Variants in TTC39A observed in about 807,000 individuals in gnomAD.
TTC39A encodes tetratricopeptide repeat domain 39A, also known as tetratricopeptide repeat protein 39A.
A neutral mutation model predicts 82.3 loss-of-function variants in TTC39A; 46 were observed. The observed-to-expected ratio is 0.56, with a 90% CI of 0.44 to 0.71. TTC39A has a LOEUF of 0.71. Among genes scored for constraint, TTC39A ranks in the 30% least tolerant of loss-of-function variants. The pLI is 0.00. For missense variants in TTC39A, 543 were observed against 712.9 expected (o/e 0.76, Z 2.71); for synonymous variants, 254 against 275.2 (o/e 0.92, Z 0.76).
At chr1:51,330,627 C>T, upstream of TTC39A, 1 of 983,412 alleles carries the variant, frequency 1.0e-6, no homozygotes, top group Non-Finnish European at 1.2e-6. The surrounding 1 kb of genome is among the most constrained non-coding windows in gnomAD (Gnocchi z 4.5). Context: ...GGGGCCGGGC[C>T]GAGCCTCGGT....
At position 51,305,123 on chromosome 1, in the gene TTC39A, C is replaced by T. The variant is rs1019994981; in HGVS notation, c.612G>A (p.Arg204=). ...FNLTLSMLPT[R]ILRLLEFVGF... is the part of the protein sequence containing the mutation. Reference sequence around the variant, plus strand: ...CCACAAACTCCAACAGCCTCAGGATCCTAGTAGGAAGCATGGACAGTGTCT... The same window carrying T: ...CCACAAACTCCAACAGCCTCAGGATTCTAGTAGGAAGCATGGACAGTGTCT... Residue 204 remains arginine, a synonymous_variant, in exon 8 of 18, where the codon AGG becomes AGA. Transcript: ENST00000680483. 2.3e-5 allele frequency: 37 copies of T among 1,613,474 alleles called. No individual in the cohort carries two copies. Among genetic ancestry groups the T allele is most frequent in the Non-Finnish European group, 3.1e-5 (36 of 1,179,642 alleles).
At chr1:51,309,197 G>T in intron 6 of TTC39A, 64 bp downstream of exon 6, 1 of 1,523,044 alleles carries the variant, frequency 6.6e-7, no homozygotes, top group Non-Finnish European at 8.8e-7. Flanking sequence ...CCGCCTGAGG[G>T]GGACAGCCTA....
At chr1:51,308,243 C>G (rs1644945927) in intron 6 of TTC39A, among the ~76,000 whole-genome samples, 1 of 151,856 alleles carries the variant, frequency 6.6e-6, no homozygotes, top group Non-Finnish European at 1.5e-5. Flanking sequence ...CCGCCACCCC[C>G]CCTTTTTTTT....
At chr1:51,312,769 G>A in intron 3 of TTC39A, 43 bp downstream of exon 3, 1 of 1,599,656 alleles carries the variant, frequency 6.3e-7, no homozygotes, top group Middle Eastern at 1.9e-4. Flanking sequence ...TGACAGCAGG[G>A]TGGGCCTCCC....
At chr1:51,335,631 G>A (rs1645965613), upstream of TTC39A, among the ~76,000 whole-genome samples, 1 of 150,616 alleles carries the variant, frequency 6.6e-6, no homozygotes, top group East Asian at 1.9e-4. Flanking sequence ...GCCCTAGAAA[G>A]TTTGTAATAG....
At chr1:51,319,116 A>T (rs1645399079) in intron 2 of TTC39A, among the ~76,000 whole-genome samples, 1 of 152,200 alleles carries the variant, frequency 6.6e-6, no homozygotes, top group African/African-American at 2.4e-5. Flanking sequence ...GCACTGTCCT[A>T]AGGGCCTCAT....
chr1:51,340,067 C>T (rs1037319615), intron 1 of TTC39A, among the ~76,000 whole-genome samples: 1 of 152,164 alleles, frequency 6.6e-6, no homozygotes, highest in Non-Finnish European at 1.5e-5. Context: ...CATCTATAAG[C>T]CAGAAAGCAG....
Position 51,296,184 on chromosome 1 carries a change from A to T in TTC39A, c.1054-14T>A. The T allele has an allele frequency of 6.3e-7, 1 of 1,575,196 alleles. No homozygotes were observed. The highest frequency in any genetic ancestry group is 1.2e-5 in the South Asian group (1 of 85,856). ...AATGTAGGTGGCCTGTGCGAGACAGAGCAACAGCCAGGTGTGAGCAGCCCT... is the reference window on the plus strand; with the variant it reads ...AATGTAGGTGGCCTGTGCGAGACAGTGCAACAGCCAGGTGTGAGCAGCCCT... On this transcript the variant is annotated splice_polypyrimidine_tract_variant and intron_variant, in intron 12 of 17. Transcript: ENST00000680483.
chr1:51,312,947 C>T lies in TTC39A; in HGVS notation c.147-4G>A. On this transcript the variant is annotated splice_polypyrimidine_tract_variant and splice_region_variant and intron_variant, in intron 2 of 17. Transcript: ENST00000680483. ...GTGGTACATGCTTTCCTTGGTTCTG[C>T]CAAAGAGAAGAGACGTTGAGAGCAC... The T allele has an allele frequency of 6.2e-7, 1 of 1,612,952 alleles. No individual in the cohort carries two copies.
At chr1:51,318,602 C>A (rs957952187) in intron 2 of TTC39A, among the ~76,000 whole-genome samples, 2 of 152,156 alleles carry the variant, frequency 1.3e-5, no homozygotes, top group African/African-American at 2.4e-5. Flanking sequence ...GGAAACCAGT[C>A]CCCTGGCCTC....
intron 1 of TTC39A, among the ~76,000 whole-genome samples, chr1:51,336,512 C>T (rs951021824): frequency 6.6e-6 from 1 of 152,072 alleles, no homozygotes; most frequent in Non-Finnish European, 1.5e-5. Context: ...AAAGAAGGAG[C>T]CTGGGTTAGC....
chr1:51,327,157 A>C (rs1645742041), intron 1 of TTC39A, among the ~76,000 whole-genome samples: 2 of 152,134 alleles, frequency 1.3e-5, no homozygotes, highest in African/African-American at 2.4e-5. Context: ...GGAGACCCTC[A>C]GTTCCCACTG....
chr1:51,294,415 AG>A lies in TTC39A; in HGVS notation c.1241del (p.Pro414LeufsTer11), dbSNP rs765340028. 3.1e-6 allele frequency: 5 copies of A among 1,613,962 alleles called. No individual in the cohort carries two copies. Among genetic ancestry groups the A allele is most frequent in the Non-Finnish European group, 4.2e-6 (5 of 1,179,868 alleles). ...CCAGAGCAGGCACTGGCAGCGAGAT[AG>A]GGTTGGAGGAGAAGTAGCGCCGGGA... ...RKSRRYFSSN[P>X]ISLPVPALEM... is the part of the protein sequence containing the mutation. On this transcript the variant is annotated frameshift_variant, in exon 14 of 18. Coordinates refer to ENST00000680483, the MANE Select transcript of TTC39A (RefSeq NM_001297663.2). LOFTEE classifies it high-confidence loss of function. The surrounding 1 kb of genome is among the most constrained non-coding windows in gnomAD (Gnocchi z 4.3).
At position 51,305,988 on chromosome 1, in the gene TTC39A, C is replaced by G; in HGVS notation, c.577G>C (p.Ala193Pro). The change falls in exon 7 of 18, where the codon GCC (alanine) becomes CCC (proline). Residue 193 changes from alanine (A) to proline (P), a missense_variant. Physicochemically the swap from Ala to Pro is conservative, Grantham distance 27. Transcript: ENST00000680483. ...FEGGVKLGVG[A>P]FNLTLSMLPT... Reference sequence around the variant, plus strand: ...GGAGGAGCACTCACCAGGTTGAAGGCCCCTACACCAAGCTTCACTCCTCCT... The same window carrying G: ...GGAGGAGCACTCACCAGGTTGAAGGGCCCTACACCAAGCTTCACTCCTCCT... The G allele has an allele frequency of 6.2e-7, 1 of 1,613,948 alleles. No homozygotes were observed. Among genetic ancestry groups the G allele is most frequent in the Non-Finnish European group, 8.5e-7 (1 of 1,179,852 alleles).
intron 1 of TTC39A, among the ~76,000 whole-genome samples, chr1:51,327,887 G>C (rs1645770871): frequency 6.6e-6 from 1 of 152,028 alleles, no homozygotes; most frequent in East Asian, 1.9e-4. Context: ...AGTAGAGACA[G>C]GGTTTCACCA....
At chr1:51,320,491 ACAGCTCACTG>A (rs1334367370) in intron 2 of TTC39A, among the ~76,000 whole-genome samples, 1 of 136,422 alleles carries the variant, frequency 7.3e-6, no homozygotes, top group Admixed American at 8.5e-5. Flanking sequence ...GCACAAGATC[ACAGCTCACTG>A]CAGCTTCAAC....
chr1:51,291,849 A>G (rs1441623704), intron 14 of TTC39A, among the ~76,000 whole-genome samples: 3 of 151,352 alleles, frequency 2.0e-5, no homozygotes, highest in South Asian at 2.1e-4. Context: ...TTGTCAGGCT[A>G]TTGGTTCCTT....
intron 1 of TTC39A, among the ~76,000 whole-genome samples, chr1:51,344,163 C>T (rs1403641242): frequency 6.6e-6 from 1 of 152,140 alleles, no homozygotes; most frequent in Admixed American, 6.5e-5. Flanking sequence ...GACACGGGGA[C>T]ACCGGAGGAG....
rs1375884409 is a variant in TTC39A at position 51,321,994 on chromosome 1, C to T, written c.42-169G>A. The T allele has an allele frequency of 7.1e-7, 1 of 1,401,422 alleles. No individual in the cohort carries two copies. The highest frequency in any genetic ancestry group is 9.7e-7 in the Non-Finnish European group (1 of 1,028,968). 86.8% of individuals were successfully genotyped at this position (1,401,422 alleles called of 1,614,324 possible). A position where few individuals can be genotyped will look rare whatever the true frequency, so the allele number is the denominator to read the frequency against. ...TACTGGGACGCAGGGACAATTTGGA[C>T]CCACCTCTTGGTGTTCCCAAGGGTG... On this transcript the variant is annotated intron_variant, in intron 1 of 17. Transcript: ENST00000680483. This position sits in a 1 kb window ranked among gnomAD's most constrained non-coding sequence, Gnocchi z 4.6.
Sources: gnomAD v4.1 joint callset for allele counts (sites outside exome capture counted in the v4.1 genomes callset) on GRCh38, gnomAD v4.1.1 for gene constraint, Gnocchi (gnomAD v3.1) non-coding constraint, MANE v1.5 for transcripts, NCBI Gene and HGNC (gene_info 2026-07-23, HGNC 2026-07-21) for gene names.